The following PTPRN2 variants were observed in gnomAD, a reference collection of about 807,000 sequenced individuals.
PTPRN2 encodes receptor-type tyrosine-protein phosphatase N2.
A neutral mutation model predicts 118.8 loss-of-function variants in PTPRN2; 74 were observed. That is an observed-to-expected ratio of 0.62 (90% CI 0.52 to 0.76). The LOEUF (loss-of-function observed/expected upper bound fraction) is 0.76. Ranked by LOEUF, PTPRN2 falls within the 30% of genes least tolerant of loss-of-function variation. PTPRN2 has a pLI of 0.00. For missense variants in PTPRN2, 1,481 were observed against 1,394.4 expected (o/e 1.06, Z -0.99); for synonymous variants, 641 against 608.0 (o/e 1.05, Z -0.80).
At chr7:158,270,806 T>TCACCTGGACCGCCCCCCC (rs1554434303) in intron 3 of PTPRN2, among the ~76,000 whole-genome samples, 1 of 6,398 alleles carries the variant, frequency 1.6e-4, no homozygotes, top group Non-Finnish European at 3.3e-4. Flanking sequence ...GACCACCCCC[T>TCACCTGGACCGCCCCCCC]CACCTGGACC....
chr7:157,786,078 C>T (rs560499964), intron 12 of PTPRN2, among the ~76,000 whole-genome samples: 185 of 152,264 alleles, frequency 1.2e-3, no homozygotes, highest in Non-Finnish European at 1.4e-3. Flanking sequence ...AGCCGCACTC[C>T]GAGTGCGCGC....
At chr7:158,112,935 C>G (rs916940670) in intron 9 of PTPRN2, among the ~76,000 whole-genome samples, 1 of 151,244 alleles carries the variant, frequency 6.6e-6, no homozygotes, top group Non-Finnish European at 1.5e-5. Context: ...GAGGTGTTCA[C>G]TGGCCTCAGG....
At chr7:157,739,695 C>T (rs1800510326) in intron 12 of PTPRN2, among the ~76,000 whole-genome samples, 1 of 152,230 alleles carries the variant, frequency 6.6e-6, no homozygotes, top group Non-Finnish European at 1.5e-5. Flanking sequence ...GAATCAAATA[C>T]CAAATTATGG....
intron 11 of PTPRN2, among the ~76,000 whole-genome samples, chr7:158,016,080 T>C (rs534862744): frequency 7.9e-5 from 12 of 152,230 alleles, no homozygotes; most frequent in Admixed American, 6.5e-4. Flanking sequence ...TAAGAGCCAC[T>C]CCCAAGAACT....
chr7:158,406,362 TGAGA>T lies in PTPRN2; in HGVS notation c.163+83369_163+83372del, dbSNP rs1813433792. 1.7e-5 allele frequency among the ~76,000 whole-genome samples: 2 copies of T among 118,452 alleles called. 1 individual carries two copies. 77.7% of individuals were successfully genotyped at this position (118,452 alleles called of 152,430 possible). A position where few individuals can be genotyped will look rare whatever the true frequency, so the allele number is the denominator to read the frequency against. ...ATCCGTGAGACATTTGGCTGCACACTGAGATCCCGCAGTGGCTCATCCGTGAGAC... is the reference window on the plus strand; with the variant it reads ...ATCCGTGAGACATTTGGCTGCACACTTCCCGCAGTGGCTCATCCGTGAGAC... On this transcript the variant is annotated intron_variant, in intron 2 of 22. Transcript: ENST00000389418.
intron 12 of PTPRN2, among the ~76,000 whole-genome samples, chr7:157,757,918 A>G (rs1801894069): frequency 6.6e-6 from 1 of 152,204 alleles, no homozygotes; most frequent in South Asian, 2.1e-4. Context: ...GCAGTGCTGG[A>G]TCTCCCGCAG....
intron 11 of PTPRN2, among the ~76,000 whole-genome samples, chr7:158,042,471 A>G (rs1490541029): frequency 6.6e-6 from 1 of 152,244 alleles, no homozygotes; most frequent in African/African-American, 2.4e-5. Flanking sequence ...TACCACACGC[A>G]TGAATCATTT....
At chr7:157,863,221 T>C (rs576442351) in intron 12 of PTPRN2, 1 of 152,340 alleles carries the variant, frequency 6.6e-6, no homozygotes, top group African/African-American at 2.4e-5. Flanking sequence ...TTGGACAGGA[T>C]TTTTCTGCCT....
chr7:158,089,718 C>T lies in PTPRN2; in HGVS notation c.1644-8341G>A, dbSNP rs189382120. The stretch of plus-strand genomic sequence containing the variant: ...GAGGGGGTCTTCACACACATCCTTC[C>T]TCCCCTGACAAAAGAGGGGGTCTTC... On this transcript the variant is annotated intron_variant, in intron 10 of 22. Coordinates refer to ENST00000389418, the MANE Select transcript of PTPRN2 (RefSeq NM_002847.5). Among the ~76,000 whole-genome samples the T allele has an allele frequency of 1.1e-3, 156 of 137,356 alleles. 13 individuals are homozygous for T. Among genetic ancestry groups the T allele is most frequent in the African/African-American group, 4.3e-3 (134 of 31,514 alleles). The allele number at this position is 137,356 out of a possible 152,430, so 90.1% of individuals were successfully genotyped here.
chr7:157,822,219 T>C (rs1806889933), intron 12 of PTPRN2, among the ~76,000 whole-genome samples: 1 of 150,124 alleles, frequency 6.7e-6, no homozygotes, highest in South Asian at 2.1e-4. Context: ...TACGATCCAT[T>C]ATCCATCTAT....
intron 11 of PTPRN2, among the ~76,000 whole-genome samples, chr7:157,909,563 C>CA (rs1408237253): frequency 1.3e-5 from 2 of 152,264 alleles, no homozygotes; most frequent in African/African-American, 4.8e-5. Flanking sequence ...CGCCCCTGCT[C>CA]AGCCCCTTCA....
At chr7:157,853,964 C>T (rs779099134) in intron 12 of PTPRN2, among the ~76,000 whole-genome samples, 4 of 152,282 alleles carry the variant, frequency 2.6e-5, no homozygotes, top group African/African-American at 7.2e-5. Context: ...AAGACGGAGA[C>T]GGCACCCACA....
chr7:157,573,957 A>G (rs1161329524), intron 19 of PTPRN2, among the ~76,000 whole-genome samples: 1 of 152,144 alleles, frequency 6.6e-6, no homozygotes, highest in Non-Finnish European at 1.5e-5. Flanking sequence ...TGAGGACTTT[A>G]TTTACAAAGG....
At chr7:157,904,146 A>G (rs183359974) in intron 11 of PTPRN2, among the ~76,000 whole-genome samples, 62 of 152,276 alleles carry the variant, frequency 4.1e-4, no homozygotes, top group Middle Eastern at 3.4e-3. Context: ...GCATCGCTCA[A>G]CGACTTTGCT....
chr7:157,917,308 T>C (rs1585013155), intron 11 of PTPRN2, among the ~76,000 whole-genome samples: 2 of 152,276 alleles, frequency 1.3e-5, no homozygotes, highest in East Asian at 3.8e-4. Flanking sequence ...GAAGTGCACA[T>C]TGGCGTGGAG....
At chr7:158,389,298 G>A (rs1383424245) in intron 2 of PTPRN2, among the ~76,000 whole-genome samples, 1 of 152,254 alleles carries the variant, frequency 6.6e-6, no homozygotes, top group African/African-American at 2.4e-5. Context: ...GCATGTGGAG[G>A]ACACGCAGCC....
intron 12 of PTPRN2, among the ~76,000 whole-genome samples, chr7:157,867,484 G>T (rs1444780157): frequency 2.5e-5 from 3 of 122,078 alleles, no homozygotes. Flanking sequence ...CCCTGTCCCT[G>T]ACGCCCTGGA....
At chr7:158,224,726 T>C (rs960146294) in intron 3 of PTPRN2, among the ~76,000 whole-genome samples, 1 of 152,182 alleles carries the variant, frequency 6.6e-6, no homozygotes, top group Non-Finnish European at 1.5e-5. Flanking sequence ...AATTGACAAA[T>C]TGGCCTTCAT....
At chr7:157,649,993 C>T (rs866472986) in intron 14 of PTPRN2, among the ~76,000 whole-genome samples, 1 of 151,378 alleles carries the variant, frequency 6.6e-6, no homozygotes, top group Admixed American at 6.6e-5. Context: ...CTCGGTGGGT[C>T]GGACCCATTC....
Sources: gnomAD v4.1 joint callset for allele counts (sites outside exome capture counted in the v4.1 genomes callset) on GRCh38, gnomAD v4.1.1 for gene constraint, MANE v1.5 for transcripts, NCBI Gene and HGNC (gene_info 2026-07-23, HGNC 2026-07-21) for gene names.